Variants in ANAPC4 observed in about 807,000 individuals in gnomAD.
The protein encoded by ANAPC4 is anaphase-promoting complex subunit 4.
Under a neutral mutation model 119.8 loss-of-function variants are expected in ANAPC4, and 63 were observed. That is an observed-to-expected ratio of 0.53 (90% CI 0.43 to 0.65). ANAPC4 has a LOEUF of 0.65. Among genes scored for constraint, ANAPC4 ranks in the 30% least tolerant of loss-of-function variants. The pLI is 0.00. For synonymous variants in ANAPC4, 283 were observed against 318.6 expected (o/e 0.89, Z 1.19); for missense variants, 716 against 945.1 (o/e 0.76, Z 3.18).
At chr4:25,411,700 C>G (rs946057572) in intron 21 of ANAPC4, among the ~76,000 whole-genome samples, 3 of 152,276 alleles carry the variant, frequency 2.0e-5, no homozygotes, top group African/African-American at 4.8e-5. Context: ...ATGCTGCCCT[C>G]AAAAAACTGG....
At chr4:25,388,964 C>A in intron 7 of ANAPC4, 82 bp downstream of exon 7, 1 of 1,109,508 alleles carries the variant, frequency 9.0e-7, no homozygotes, top group Non-Finnish European at 1.3e-6. Context: ...AAGAGCAAAT[C>A]CTTTATTTGC....
intron 8 of ANAPC4, 92 bp from the exon 9 acceptor site, chr4:25,390,819 T>C: frequency 1.1e-6 from 1 of 939,172 alleles, no homozygotes; most frequent in Non-Finnish European, 1.6e-6. Flanking sequence ...TGTTTCTGCT[T>C]TTTAAAGCTC....
Position 25,415,466 on chromosome 4 carries a change from A to G in ANAPC4, c.1827A>G (p.Gln609=), listed in dbSNP as rs533672504. The G allele has an allele frequency of 2.4e-5, 39 of 1,611,188 alleles. No homozygotes were observed. Among genetic ancestry groups the G allele is most frequent in the African/African-American group, 1.1e-4 (8 of 74,912 alleles). Residue 609 remains glutamine, a splice_region_variant and synonymous_variant, in exon 26 of 29, where the codon CAA becomes CAG. Coordinates refer to ENST00000315368, the MANE Select transcript of ANAPC4 (RefSeq NM_013367.3). ...TTTTTTTCCCCCTTCTTTCTTGAAGATCTGTGAGTAATGGACTAATTGCTA... is the reference window on the plus strand; with the variant it reads ...TTTTTTTCCCCCTTCTTTCTTGAAGGTCTGTGAGTAATGGACTAATTGCTA... ...CILRRHTDIS[Q]SVSNGLIAIK... is the part of the protein sequence containing the mutation.
intron 2 of ANAPC4, among the ~76,000 whole-genome samples, chr4:25,378,856 G>A (rs962611322): frequency 3.4e-4 from 52 of 152,304 alleles, no homozygotes; most frequent in African/African-American, 1.2e-3. Flanking sequence ...TGCAGGCATG[G>A]TTGGGTTTAA....
intron 18 of ANAPC4, among the ~76,000 whole-genome samples, chr4:25,406,369 T>C (rs1723249798): frequency 1.3e-5 from 2 of 152,180 alleles, no homozygotes; most frequent in Admixed American, 6.5e-5. Context: ...GATCCTAAGG[T>C]ATAATTTTCT....
intron 2 of ANAPC4, 50 bp from the exon 3 acceptor site, chr4:25,380,324 T>C (rs887511794): frequency 3.4e-6 from 5 of 1,465,998 alleles, no homozygotes; most frequent in Admixed American, 1.9e-5. Flanking sequence ...TTTATTTTAT[T>C]TTTGGAAATG....
chr4:25,394,376 T>C lies in ANAPC4; in HGVS notation c.941+2T>C, dbSNP rs780467320. 1 of 1,574,042 alleles carries C rather than the reference T, an allele frequency of 6.4e-7. No individual in the cohort carries two copies. On this transcript the variant is annotated splice_donor_variant, in intron 12 of 28. Transcript: ENST00000315368. LOFTEE classifies it high-confidence loss of function. ...CTTGCTATTATGGGGGAAAGCAAGGTAATAAACTCAGATTAGGTGCTCCTG... is the reference window on the plus strand; with the variant it reads ...CTTGCTATTATGGGGGAAAGCAAGGCAATAAACTCAGATTAGGTGCTCCTG...
At chr4:25,394,513 T>A in intron 12 of ANAPC4, 139 bp downstream of exon 12, 1 of 1,007,324 alleles carries the variant, frequency 9.9e-7, no homozygotes, top group East Asian at 2.7e-5. Context: ...ATGTGTTACA[T>A]ACTTACGGGG....
intron 3 of ANAPC4, among the ~76,000 whole-genome samples, chr4:25,382,374 T>C (rs1319739097): frequency 1.3e-5 from 2 of 152,240 alleles, no homozygotes; most frequent in Non-Finnish European, 2.9e-5. Flanking sequence ...TTAAACATTC[T>C]ATGCTCATTC....
chr4:25,415,589 G>A (rs1424176494), intron 26 of ANAPC4, 49 bp downstream of exon 26: 1 of 1,512,108 alleles, frequency 6.6e-7, no homozygotes, highest in Admixed American at 1.7e-5. Flanking sequence ...TGTGATATGT[G>A]TATATGTTTA....
intron 16 of ANAPC4, 105 bp from the exon 17 acceptor site, chr4:25,402,866 T>A: frequency 1.8e-6 from 1 of 552,456 alleles, no homozygotes; most frequent in Non-Finnish European, 3.0e-6. Context: ...CCAGATAGGA[T>A]AAAATAGAAC....
At chr4:25,415,663 C>A in intron 26 of ANAPC4, 123 bp downstream of exon 26, 1 of 702,926 alleles carries the variant, frequency 1.4e-6, no homozygotes, top group Non-Finnish European at 2.3e-6. Flanking sequence ...CTTCCCACAT[C>A]AAGGGCAGGA....
intron 22 of ANAPC4, chr4:25,414,013 T>C: frequency 4.2e-6 from 2 of 475,898 alleles, no homozygotes; most frequent in Non-Finnish European, 7.3e-6. Flanking sequence ...AAGAAATTCA[T>C]TGTAAACAGT....
chr4:25,386,862 C>T (rs1242425230), intron 4 of ANAPC4, among the ~76,000 whole-genome samples: 1 of 152,150 alleles, frequency 6.6e-6, no homozygotes, highest in African/African-American at 2.4e-5. Flanking sequence ...TAAGAGTTTT[C>T]TCCTCTTTCT....
chr4:25,393,760 G>T, intron 10 of ANAPC4, 45 bp from the exon 11 acceptor site: 1 of 1,284,266 alleles, frequency 7.8e-7, no homozygotes, highest in South Asian at 1.4e-5. Context: ...TAGCAAGTTG[G>T]TTTAAATATT....
intron 12 of ANAPC4, 135 bp from the exon 13 acceptor site, chr4:25,394,536 T>TA: frequency 9.4e-7 from 1 of 1,067,716 alleles, no homozygotes; most frequent in Non-Finnish European, 1.3e-6. Context: ...TATGTGATGT[T>TA]ACATGCGTAG....
At chr4:25,395,191 C>A (rs1722578616) in intron 14 of ANAPC4, 3 of 241,672 alleles carry the variant, frequency 1.2e-5, no homozygotes, top group Non-Finnish European at 1.6e-5. Context: ...AGGCATATAT[C>A]TTTTTTTTGA....
intron 22 of ANAPC4, chr4:25,414,069 G>C: frequency 6.5e-6 from 3 of 464,126 alleles, no homozygotes; most frequent in Non-Finnish European, 1.1e-5. Context: ...TGAAGGATGT[G>C]AATGAATGGT....
intron 20 of ANAPC4, among the ~76,000 whole-genome samples, chr4:25,408,433 A>G (rs775450719): frequency 1.3e-5 from 2 of 152,104 alleles, no homozygotes; most frequent in African/African-American, 2.4e-5. Context: ...CCTTTTATCA[A>G]ACTATAAGCT....
Sources: gnomAD v4.1 joint callset for allele counts (sites outside exome capture counted in the v4.1 genomes callset) on GRCh38, gnomAD v4.1.1 for gene constraint, MANE v1.5 for transcripts, NCBI Gene and HGNC (gene_info 2026-07-23, HGNC 2026-07-21) for gene names.